RBM12B: variants seen among roughly 807,000 people sequenced by gnomAD.
The protein encoded by RBM12B is RNA-binding protein 12B.
In RBM12B, 10 loss-of-function variants were observed where a neutral mutation model predicts 34.3. The ratio of observed to expected loss-of-function variants is 0.29; its 90% CI spans 0.18 to 0.49. The LOEUF (loss-of-function observed/expected upper bound fraction) is 0.49, where lower values mean the gene tolerates loss of function less well. RBM12B is among the 20% of genes least tolerant of loss of function. RBM12B has a pLI of 0.99. For synonymous variants in RBM12B, 477 were observed against 437.1 expected (o/e 1.09, Z -1.14); for missense variants, 1,139 against 1,262.7 (o/e 0.90, Z 1.48).
Position 93,733,766 on chromosome 8 carries a change from T to C in RBM12B, c.2645A>G (p.His882Arg). Residue 882 changes from histidine to arginine, a missense_variant, in exon 4 of 4, where the codon CAC becomes CGC. Transcript: ENST00000520560. The part of the protein sequence containing the change: ...FRSPPDDFRS[H>R]RPFVNFGRPE... The stretch of plus-strand genomic sequence containing the variant: ...GCGACCAAAATTCACAAAAGGGCGG[T>C]GACTTCTAAAATCATCAGGCGGGCT... The C allele has an allele frequency of 6.2e-7, 1 of 1,614,168 alleles. No homozygotes were observed. Among genetic ancestry groups the C allele is most frequent in the East Asian group, 2.2e-5 (1 of 44,886 alleles).
In RBM12B at chr8:93,735,596, G is replaced by A. The variant is rs755501452; in HGVS notation, c.815C>T (p.Ser272Phe). 1.9e-5 allele frequency: 30 copies of A among 1,613,980 alleles called. No homozygotes were observed. Among genetic ancestry groups the A allele is most frequent in the Non-Finnish European group, 2.5e-5 (30 of 1,180,000 alleles). The change falls in exon 4 of 4, where the codon TCT becomes TTT. Residue 272 changes from serine to phenylalanine, a missense_variant. Coordinates refer to ENST00000520560, the MANE Select transcript of RBM12B (RefSeq NM_001377960.1). Reference protein sequence around the residue: ...RHFRKRSHSKSPRRTRSRSPL... With the variant: ...RHFRKRSHSKFPRRTRSRSPL... ...GGAACGAGAACGTGTTCTTCTGGGA[G>A]ATTTTGAATGAGACCGTTTTCGAAA...
rs758800512 is a variant in RBM12B, at chr8:93,735,418, G to A, written c.993C>T (p.Phe331=). ...ENRTRYAFVM[F]KTLKDYNTAL... ...CGGTATTATAGTCTTTCAGAGTCTT[G>A]AACATCACAAAGGCATATCTTGTTC... The change falls in exon 4 of 4, where the codon TTC becomes TTT. Residue 331 remains phenylalanine (F), a synonymous_variant. Coordinates refer to ENST00000520560, the MANE Select transcript of RBM12B (RefSeq NM_001377960.1). 6.2e-7 allele frequency: 1 copy of A among 1,613,294 alleles called. No homozygotes were observed. Among genetic ancestry groups the A allele is most frequent in the Non-Finnish European group, 8.5e-7 (1 of 1,179,598 alleles).
intron 2 of RBM12B, among the ~76,000 whole-genome samples, 191 bp from the exon 3 acceptor site, chr8:93,737,546 C>A (rs1397278662): frequency 6.6e-6 from 1 of 152,024 alleles, no homozygotes; most frequent in Non-Finnish European, 1.5e-5. Flanking sequence ...AAAGGAGATA[C>A]AATATCCAAA....
chr8:93,735,837 G>A lies in RBM12B; in HGVS notation c.574C>T (p.Arg192Ter), dbSNP rs764847224. Residue 192 changes from arginine (R) to a stop codon, truncating the protein, a stop_gained, in exon 4 of 4, where the codon CGA (arginine) becomes TGA (stop). Transcript: ENST00000520560. LOFTEE classifies it high-confidence loss of function. ...TTTACTATGGCATCACCATTATTTC[G>A]GCCATCATGATGTTTTAAGAAAATT... ...GVIFLKHHDG[R>*]NNGDAIVKFA... is the part of the protein sequence containing the mutation. 6 of 1,613,696 alleles carry A rather than the reference G, an allele frequency of 3.7e-6. No individual in the cohort carries two copies. The highest frequency in any genetic ancestry group is 2.2e-5 in the East Asian group (1 of 44,892).
Position 93,734,028 on chromosome 8 carries a change from A to G in RBM12B, c.2383T>C (p.Phe795Leu). 6.2e-7 allele frequency: 1 copy of G among 1,603,664 alleles called. No homozygotes were observed. Among genetic ancestry groups the G allele is most frequent in the Admixed American group, 1.8e-5 (1 of 56,520 alleles). The change falls in exon 4 of 4, where the codon TTC becomes CTC. Residue 795 changes from phenylalanine to leucine, a missense_variant. Around this residue, in one of 3 missense-constraint regions of RBM12B, gnomAD observed 863 missense variants for 869.5 expected, o/e 0.99. Coordinates refer to ENST00000520560, the MANE Select transcript of RBM12B (RefSeq NM_001377960.1). Reference protein sequence around the residue: ...EHFRRPPQEHFRRSREEDFRH... With the variant: ...EHFRRPPQEHLRRSREEDFRH... ...AAATCTTCCTCTCGGGAGCGCCTGA[A>G]ATGCTCCTGAGGCGGCCGCCTGAAA...
chr8:93,736,292 A>G lies in RBM12B; in HGVS notation c.119T>C (p.Ile40Thr), dbSNP rs1199749601. The change falls in exon 4 of 4, where the codon ATT (isoleucine) becomes ACT (threonine). Residue 40 changes from isoleucine to threonine, a missense_variant. Transcript: ENST00000520560. ...TGCAAAAATAATAAAAGCCTCCCCA[A>G]TTTCCCCTCCAATTATATGCACTCC... The part of the protein sequence containing the change: ...DGGVHIIGGE[I>T]GEAFIIFATD... 1.9e-6 allele frequency: 3 copies of G among 1,613,922 alleles called. No homozygotes were observed. The highest frequency in any genetic ancestry group is 3.3e-5 in the Admixed American group (2 of 59,996).
rs1006585234 is a variant in RBM12B at position 93,735,476 on chromosome 8, T to G, written c.935A>C (p.Glu312Ala). 1.2e-6 allele frequency: 2 copies of G among 1,613,338 alleles called. No homozygotes were observed. Among genetic ancestry groups the G allele is most frequent in the African/African-American group, 2.7e-5 (2 of 74,918 alleles). ...NFFRGTDLTD[E>A]QIRFLYKDEN... is the part of the protein sequence containing the mutation. ...ATCTTTATATAAAAACCTAATCTGT[T>G]CATCAGTCAGATCAGTACCTCTAAA... Residue 312 changes from glutamate to alanine, a missense_variant, in exon 4 of 4, where the codon GAA (glutamate) becomes GCA (alanine). Glu to Ala is a moderately radical substitution (Grantham distance 107). This residue lies in a region of RBM12B where 863 missense variants were observed against 869.5 expected (regional missense o/e 0.99). Coordinates refer to ENST00000520560, the MANE Select transcript of RBM12B (RefSeq NM_001377960.1).
chr8:93,734,428 C>A lies in RBM12B; in HGVS notation c.1983G>T (p.Trp661Cys), dbSNP rs1395995372. 4 of 1,612,536 alleles carry A rather than the reference C, an allele frequency of 2.5e-6. No homozygotes were observed. Among genetic ancestry groups the A allele is most frequent in the Admixed American group, 1.7e-5 (1 of 59,892 alleles). Residue 661 changes from tryptophan (W) to cysteine (C), a missense_variant, in exon 4 of 4, where the codon TGG becomes TGT. Physicochemically the swap from Trp to Cys is radical, Grantham distance 215 (BLOSUM62 -2). Transcript: ENST00000520560. ...FRQPPEEDLR[W>C]LPEEDFRRPP... ...GCCGCCTGAAATCTTCCTCTGGGAGCCACCTTAAGTCCTCCTCAGGGGGTT... is the reference window on the plus strand; with the variant it reads ...GCCGCCTGAAATCTTCCTCTGGGAGACACCTTAAGTCCTCCTCAGGGGGTT...
At position 93,736,236 on chromosome 8, in the gene RBM12B, G is replaced by A. The variant is rs759904690; in HGVS notation, c.175C>T (p.Arg59Cys). ...TDEDARRAIS[R>C]SGGFIKDSSV... ...GAATCCTTGATAAACCCTCCTGAAC[G>A]ACTTATGGCACGTCTTGCATCTTCA... The change falls in exon 4 of 4, where the codon CGT becomes TGT. Residue 59 changes from arginine (R) to cysteine (C), a missense_variant. Transcript: ENST00000520560. 26 of 1,613,942 alleles carry A rather than the reference G, an allele frequency of 1.6e-5. No homozygotes were observed. Among genetic ancestry groups the A allele is most frequent in the East Asian group, 8.9e-5 (4 of 44,888 alleles).
chr8:93,739,730 T>C (rs554796031), intron 2 of RBM12B, among the ~76,000 whole-genome samples: 1 of 152,362 alleles, frequency 6.6e-6, no homozygotes, highest in African/African-American at 2.4e-5. Context: ...TTGTGTTCAT[T>C]TGAAGACAAT....
intron 2 of RBM12B, 115 bp downstream of exon 2, chr8:93,740,514 G>A: frequency 2.2e-6 from 1 of 457,138 alleles, no homozygotes; most frequent in South Asian, 1.5e-5. Flanking sequence ...GCCAGAGGGT[G>A]AACTGCCCCC....
rs750128424 is a variant in RBM12B at position 93,734,261 on chromosome 8, T to C, written c.2150A>G (p.Gln717Arg). 2.5e-6 allele frequency: 4 copies of C among 1,612,836 alleles called. No individual in the cohort carries two copies. The Admixed American group carries it at 6.7e-5, about 27-fold the overall frequency. ...CCTCCGGAAATGCTCCTGGGGTGAC[T>C]GCCTGAAGTCCTCCTCAGGGGAATG... ...FRHSPEEDFRQSPQEHFRRPP... is the reference protein window; with the variant it reads ...FRHSPEEDFRRSPQEHFRRPP... Residue 717 changes from glutamine to arginine, a missense_variant, in exon 4 of 4, where the codon CAG becomes CGG. Physicochemically the swap from Gln to Arg is conservative, Grantham distance 43. Transcript: ENST00000520560.
In RBM12B at chr8:93,734,737, G is replaced by C; in HGVS notation, c.1674C>G (p.Phe558Leu). ...RQPDRHPPED[F>L]RHSSEDFRFP... The stretch of plus-strand genomic sequence containing the variant: ...ACCTAAAGTCCTCTGAGGAGTGTCG[G>C]AAGTCTTCTGGAGGGTGCCTGTCAG... Residue 558 changes from phenylalanine to leucine, a missense_variant, in exon 4 of 4, where the codon TTC (phenylalanine) becomes TTG (leucine). Around this residue, in one of 3 missense-constraint regions of RBM12B, gnomAD observed 863 missense variants for 869.5 expected, o/e 0.99. Transcript: ENST00000520560. The C allele has an allele frequency of 3.1e-6, 5 of 1,614,144 alleles. No homozygotes were observed. Among genetic ancestry groups the C allele is most frequent in the African/African-American group, 1.3e-5 (1 of 75,032 alleles).
chr8:93,735,253 A>G lies in RBM12B; in HGVS notation c.1158T>C (p.Val386=). The change falls in exon 4 of 4, where the codon GTT becomes GTC. Residue 386 remains valine, a synonymous_variant. Transcript: ENST00000520560. The part of the protein sequence containing the change: ...GSLERDRPGH[V]SQKYSQEGNS... ...TACCTTCTTGAGAGTATTTTTGTGA[A>G]ACATGTCCGGGCCTATCTCTCTCTA... The G allele has an allele frequency of 6.2e-7, 1 of 1,614,044 alleles. No individual in the cohort carries two copies.
At chr8:93,736,705 A>G (rs1812032513) in intron 3 of RBM12B, among the ~76,000 whole-genome samples, 1 of 152,212 alleles carries the variant, frequency 6.6e-6, no homozygotes, top group Admixed American at 6.5e-5. Context: ...AAAATATCAA[A>G]TCTTCCTTTG....
In RBM12B at chr8:93,731,481, AAGAATCAT is replaced by A. The variant is rs2130424197; in HGVS notation, c.*1916_*1923del. ...TAGCTACTTACAAGCTTATACTTTA[AAGAATCAT>A]ACTGAGGTGCTTTTTCATATCAAAT... On this transcript the variant is annotated 3_prime_UTR_variant, in exon 4 of 4. Coordinates refer to ENST00000520560, the MANE Select transcript of RBM12B (RefSeq NM_001377960.1). 2.0e-5 allele frequency: 3 copies of A among 152,326 alleles called. No homozygotes were observed. Among genetic ancestry groups the A allele is most frequent in the Non-Finnish European group, 4.4e-5 (3 of 68,038 alleles). 9.4% of individuals were successfully genotyped at this position (152,326 alleles called of 1,614,324 possible). A position where few individuals can be genotyped will look rare whatever the true frequency, so the allele number is the denominator to read the frequency against.
chr8:93,737,525 T>C (rs1003570697), intron 2 of RBM12B, among the ~76,000 whole-genome samples, 170 bp from the exon 3 acceptor site: 10 of 152,220 alleles, frequency 6.6e-5, no homozygotes, highest in Middle Eastern at 3.4e-3. Flanking sequence ...AAATTAATCA[T>C]CCTTCTGCAA....
chr8:93,736,769 AATCTT>A (rs1344578283), intron 3 of RBM12B, among the ~76,000 whole-genome samples: 1 of 152,248 alleles, frequency 6.6e-6, no homozygotes, highest in East Asian at 1.9e-4. Context: ...ACTCATTTAG[AATCTT>A]ATCTTCTACT....
rs1811923925 is a variant in RBM12B at position 93,734,308 on chromosome 8, C to T, written c.2103G>A (p.Arg701=). The T allele has an allele frequency of 1.2e-6, 2 of 1,613,194 alleles. No homozygotes were observed. The highest frequency in any genetic ancestry group is 1.1e-5 in the South Asian group (1 of 91,048). ...WRRPPEDDFR[R]PPEEDFRHSP... ...AATGCCTGAAATCCTCCTCTGGGGG[C>T]CGCCTGAAGTCATCCTCGGGTGGTC... The change falls in exon 4 of 4, where the codon CGG becomes CGA. Residue 701 remains arginine (R), a synonymous_variant. Transcript: ENST00000520560.
Sources: gnomAD v4.1 joint callset for allele counts (sites outside exome capture counted in the v4.1 genomes callset) on GRCh38, gnomAD v4.1.1 for gene constraint, gnomAD v4.1.1 regional missense constraint, MANE v1.5 for transcripts, NCBI Gene and HGNC (gene_info 2026-07-23, HGNC 2026-07-21) for gene names.